The following ARHGEF26 variants were observed in gnomAD, a reference collection of about 807,000 sequenced individuals.
ARHGEF26 encodes the protein Rho guanine nucleotide exchange factor 26.
ARHGEF26 carries 59 observed loss-of-function variants against 89.4 expected under a neutral mutation model. The ratio of observed to expected loss-of-function variants is 0.66; its 90% CI spans 0.54 to 0.82. The LOEUF is 0.82. Ranked by LOEUF, ARHGEF26 falls within the 40% of genes least tolerant of loss-of-function variation. ARHGEF26 has a pLI of 0.00. For missense variants in ARHGEF26, 1,234 were observed against 1,085.6 expected, an observed-to-expected ratio of 1.14 and a Z score of -1.92; for synonymous variants, 500 against 428.4, an observed-to-expected ratio of 1.17 and a Z score of -2.06.
At chr3:154,206,176 G>A (rs1281425540) in intron 9 of ARHGEF26, among the ~76,000 whole-genome samples, 2 of 152,150 alleles carry the variant, frequency 1.3e-5, no homozygotes, top group Non-Finnish European at 2.9e-5. Context: ...TATGGTAAAA[G>A]TTTTTTGCCT....
At chr3:154,185,285 G>C (rs1016875584) in intron 6 of ARHGEF26, among the ~76,000 whole-genome samples, 5 of 152,060 alleles carry the variant, frequency 3.3e-5, no homozygotes, top group Admixed American at 2.0e-4. Flanking sequence ...CACTCCACAG[G>C]TTTAAGGTTT....
chr3:154,202,547 T>C (rs1366505792), intron 9 of ARHGEF26, among the ~76,000 whole-genome samples: 1 of 152,148 alleles, frequency 6.6e-6, no homozygotes, highest in East Asian at 1.9e-4. Flanking sequence ...AGAAAGTCAT[T>C]GGTAGCTTGA....
intron 12 of ARHGEF26, among the ~76,000 whole-genome samples, chr3:154,252,233 C>T (rs1052668730): frequency 3.9e-5 from 6 of 152,128 alleles, no homozygotes; most frequent in African/African-American, 1.4e-4. Context: ...AATTGCTTGC[C>T]TCTGAACTTC....
chr3:154,189,050 C>T (rs1050241068), intron 7 of ARHGEF26, among the ~76,000 whole-genome samples: 2 of 152,144 alleles, frequency 1.3e-5, no homozygotes, highest in Non-Finnish European at 2.9e-5. Context: ...AAACCACACC[C>T]ATCACTTCCT....
intron 6 of ARHGEF26, among the ~76,000 whole-genome samples, chr3:154,183,979 T>C (rs972419567): frequency 1.2e-4 from 17 of 141,546 alleles, no homozygotes; most frequent in African/African-American, 4.9e-4. Flanking sequence ...TTTTCTTTCT[T>C]TTTTTTTTTT....
At chr3:154,147,113 T>A (rs1362217464) in intron 4 of ARHGEF26, among the ~76,000 whole-genome samples, 1 of 152,186 alleles carries the variant, frequency 6.6e-6, no homozygotes, top group African/African-American at 2.4e-5. Context: ...AATGTATATT[T>A]TAAAAATGAG....
In ARHGEF26 at chr3:154,233,472, C is replaced by G. The variant is rs536354104; in HGVS notation, c.2091-6898C>G. Among the ~76,000 whole-genome samples, 21 of 152,208 alleles carry G rather than the reference C, an allele frequency of 1.4e-4. 1 individual carries two copies. The highest frequency in any genetic ancestry group is 5.1e-4 in the African/African-American group (21 of 41,532). ...AGTTGAAATCTACAGAACACTTTTTCTCATACATATATTGGAGGAAAGTAG... is the reference window on the plus strand; with the variant it reads ...AGTTGAAATCTACAGAACACTTTTTGTCATACATATATTGGAGGAAAGTAG... On this transcript the variant is annotated intron_variant, in intron 11 of 14. Transcript: ENST00000465093.
chr3:154,216,388 A>C (rs1252692401), intron 9 of ARHGEF26, among the ~76,000 whole-genome samples: 1 of 151,736 alleles, frequency 6.6e-6, no homozygotes, highest in Non-Finnish European at 1.5e-5. Context: ...GCTTCTAGTG[A>C]AACAAATTTA....
At chr3:154,239,283 A>T (rs867077648) in intron 11 of ARHGEF26, among the ~76,000 whole-genome samples, 1 of 104,158 alleles carries the variant, frequency 9.6e-6, no homozygotes, top group South Asian at 4.5e-4. Flanking sequence ...AGAGAGAGAG[A>T]GAGAGAGAGA....
intron 6 of ARHGEF26, among the ~76,000 whole-genome samples, chr3:154,170,263 A>T (rs576912868): frequency 6.6e-6 from 1 of 152,182 alleles, no homozygotes; most frequent in South Asian, 2.1e-4. Flanking sequence ...TCAGGAGCTG[A>T]GGTGGGAGGA....
intron 2 of ARHGEF26, among the ~76,000 whole-genome samples, chr3:154,123,530 T>A (rs1374896788): frequency 6.6e-6 from 1 of 152,204 alleles, no homozygotes; most frequent in Non-Finnish European, 1.5e-5. Context: ...CTGTTGATTA[T>A]TTTTTGCTTT....
At chr3:154,166,272 G>A (rs897004708) in intron 6 of ARHGEF26, among the ~76,000 whole-genome samples, 4 of 152,002 alleles carry the variant, frequency 2.6e-5, no homozygotes, top group Admixed American at 2.6e-4. Context: ...GAATGGTCTC[G>A]ATCTCCTGAC....
At chr3:154,156,569 A>T (rs1720353164) in intron 6 of ARHGEF26, among the ~76,000 whole-genome samples, 1 of 152,082 alleles carries the variant, frequency 6.6e-6, no homozygotes, top group African/African-American at 2.4e-5. Flanking sequence ...TTACATGATA[A>T]CTCTGTCTAT....
intron 9 of ARHGEF26, among the ~76,000 whole-genome samples, chr3:154,208,883 A>AG (rs1182414188): frequency 6.7e-6 from 1 of 149,996 alleles, no homozygotes; most frequent in Non-Finnish European, 1.5e-5. Flanking sequence ...CTCATGCCTC[A>AG]GCCTCCCAGG....
At chr3:154,192,597 T>C (rs1461431464) in intron 8 of ARHGEF26, among the ~76,000 whole-genome samples, 1 of 152,236 alleles carries the variant, frequency 6.6e-6, no homozygotes, top group Non-Finnish European at 1.5e-5. Flanking sequence ...CATTTCACTT[T>C]CTGATTTTTT....
chr3:154,255,945 A>G lies in ARHGEF26; in HGVS notation c.*472A>G, dbSNP rs371807295. 5.2e-5 allele frequency: 51 copies of G among 985,830 alleles called. No homozygotes were observed. In the East Asian group the frequency reaches 4.6e-3, roughly 88 times the overall value. The allele number at this position is 985,830 out of a possible 1,614,324, so 61.1% of individuals were successfully genotyped here. ...CCTGCCTTTTTTTTTCTTTTTTTACATCTGATTTTAATGCTTCGTTAACTT... is the reference window on the plus strand; with the variant it reads ...CCTGCCTTTTTTTTTCTTTTTTTACGTCTGATTTTAATGCTTCGTTAACTT... On this transcript the variant is annotated 3_prime_UTR_variant, in exon 15 of 15. Coordinates refer to ENST00000465093, the MANE Select transcript of ARHGEF26 (RefSeq NM_015595.4).
chr3:154,154,199 T>C (rs1056396927), intron 6 of ARHGEF26, among the ~76,000 whole-genome samples: 2 of 152,100 alleles, frequency 1.3e-5, no homozygotes, highest in African/African-American at 4.8e-5. Context: ...AATTTTTGAT[T>C]ATTTTCTTGC....
At chr3:154,208,618 C>G (rs987419387) in intron 9 of ARHGEF26, among the ~76,000 whole-genome samples, 1 of 151,978 alleles carries the variant, frequency 6.6e-6, no homozygotes, top group Non-Finnish European at 1.5e-5. Context: ...TGTAGCCATG[C>G]TTAATCATTT....
chr3:154,168,209 C>T (rs1424162730), intron 6 of ARHGEF26, among the ~76,000 whole-genome samples: 5 of 152,134 alleles, frequency 3.3e-5, no homozygotes, highest in Non-Finnish European at 7.3e-5. Flanking sequence ...GGCTAGAACT[C>T]AGGACTTCTG....
Sources: gnomAD v4.1 joint callset for allele counts (sites outside exome capture counted in the v4.1 genomes callset) on GRCh38, gnomAD v4.1.1 for gene constraint, MANE v1.5 for transcripts, NCBI Gene and HGNC (gene_info 2026-07-23, HGNC 2026-07-21) for gene names.